Variants in PSMA1 observed in about 807,000 individuals in gnomAD.
PSMA1 encodes the protein proteasome subunit alpha type-1.
A neutral mutation model predicts 38.4 loss-of-function variants in PSMA1; 3 were observed. That is an observed-to-expected ratio of 0.08 (90% CI 0.04 to 0.20). The LOEUF is 0.20. PSMA1 is among the 10% of genes least tolerant of loss of function. PSMA1 has a pLI of 1.00. For missense variants in PSMA1, 227 were observed against 325.3 expected, an observed-to-expected ratio of 0.70 and a Z score of 2.32; for synonymous variants, 101 against 107.1, an observed-to-expected ratio of 0.94 and a Z score of 0.35.
At chr11:14,544,901 C>A (rs1851809175) in intron 2 of PSMA1, among the ~76,000 whole-genome samples, 1 of 152,150 alleles carries the variant, frequency 6.6e-6, no homozygotes, top group African/African-American at 2.4e-5. Flanking sequence ...CAGCATTATT[C>A]ATAATAGCTA....
At chr11:14,617,239 A>G (rs960309760) in intron 1 of PSMA1, among the ~76,000 whole-genome samples, 2 of 152,170 alleles carry the variant, frequency 1.3e-5, no homozygotes, top group Non-Finnish European at 2.9e-5. Flanking sequence ...ACACTAGTGG[A>G]ATCTTCTCCA....
rs146765355 is a variant in PSMA1 at position 14,631,275 on chromosome 11, T to A, written c.-166+12180A>T. ...GTGATGTTAGTGTGTCAATTTTCGA[T>A]ATTTCCTGCTTTCTCTTGTGGGCAT... On this transcript the variant is annotated intron_variant, in intron 1 of 10. Coordinates refer to the PSMA1 transcript ENST00000418988. 1.7e-3 allele frequency among the ~76,000 whole-genome samples: 262 copies of A among 152,372 alleles called. 7 individuals are homozygous for A. In the East Asian group the frequency reaches 0.04, roughly 23 times the overall value.
At chr11:14,557,620 T>C (rs1851955819) in intron 2 of PSMA1, among the ~76,000 whole-genome samples, 1 of 152,182 alleles carries the variant, frequency 6.6e-6, no homozygotes, top group Non-Finnish European at 1.5e-5. Flanking sequence ...AGTTCTCTGT[T>C]TTCCCCTCAC....
intron 2 of PSMA1, among the ~76,000 whole-genome samples, chr11:14,547,341 A>T (rs1851837218): frequency 6.6e-6 from 1 of 152,176 alleles, no homozygotes; most frequent in African/African-American, 2.4e-5. Context: ...GTATTTTGTG[A>T]ATTTAAAAAT....
intron 2 of PSMA1, among the ~76,000 whole-genome samples, chr11:14,599,141 C>T (rs978920339): frequency 6.6e-6 from 1 of 152,170 alleles, no homozygotes; most frequent in African/African-American, 2.4e-5. Context: ...TTGTGGGTAA[C>T]CCAACCTTTC....
intron 2 of PSMA1, among the ~76,000 whole-genome samples, chr11:14,596,459 C>T (rs983568359): frequency 2.0e-5 from 3 of 152,146 alleles, no homozygotes; most frequent in Non-Finnish European, 4.4e-5. Context: ...AGGTCCTTCA[C>T]GTCCCTTGTA....
chr11:14,556,419 C>T (rs915833777), intron 2 of PSMA1, among the ~76,000 whole-genome samples: 1 of 151,812 alleles, frequency 6.6e-6, no homozygotes, highest in African/African-American at 2.4e-5. Flanking sequence ...AGGGTTTTTT[C>T]CCCTCCTCTC....
At chr11:14,548,187 T>C (rs1317749273) in intron 2 of PSMA1, among the ~76,000 whole-genome samples, 1 of 152,208 alleles carries the variant, frequency 6.6e-6, no homozygotes, top group East Asian at 1.9e-4. Flanking sequence ...TTTTTTTCTA[T>C]TTATTTATTT....
At chr11:14,565,723 A>G (rs1852062344) in intron 2 of PSMA1, among the ~76,000 whole-genome samples, 1 of 152,222 alleles carries the variant, frequency 6.6e-6, no homozygotes, top group Non-Finnish European at 1.5e-5. Context: ...TAGCAGGGAG[A>G]GATAAGCAAT....
chr11:14,622,906 G>A (rs192240426), intron 1 of PSMA1, among the ~76,000 whole-genome samples: 1 of 152,328 alleles, frequency 6.6e-6, no homozygotes, highest in Admixed American at 6.5e-5. Flanking sequence ...CTGGGGCAAG[G>A]CTATGCCATT....
intron 2 of PSMA1, among the ~76,000 whole-genome samples, chr11:14,580,024 C>A (rs1010422466): frequency 1.3e-5 from 2 of 152,160 alleles, no homozygotes; most frequent in African/African-American, 4.8e-5. Flanking sequence ...ATCTGAAGAA[C>A]CTCAAATCCA....
chr11:14,639,068 T>C (rs1031370964), intron 1 of PSMA1, among the ~76,000 whole-genome samples: 2 of 152,194 alleles, frequency 1.3e-5, no homozygotes, highest in Non-Finnish European at 2.9e-5. Flanking sequence ...GATACAATTG[T>C]TGCTCTGAAA....
chr11:14,631,372 T>C (rs1237272322), intron 1 of PSMA1, among the ~76,000 whole-genome samples: 3 of 152,164 alleles, frequency 2.0e-5, no homozygotes, highest in Non-Finnish European at 2.9e-5. Flanking sequence ...TGTGTCTTTG[T>C]TCTCGTTGGT....
At chr11:14,622,605 A>T (rs1244763690) in intron 1 of PSMA1, among the ~76,000 whole-genome samples, 1 of 152,218 alleles carries the variant, frequency 6.6e-6, no homozygotes, top group African/African-American at 2.4e-5. Context: ...TTCAAAGTAA[A>T]AGAAAATTGC....
At chr11:14,639,613 T>C (rs1167445159) in intron 1 of PSMA1, among the ~76,000 whole-genome samples, 1 of 152,204 alleles carries the variant, frequency 6.6e-6, no homozygotes, top group Admixed American at 6.5e-5. Flanking sequence ...TAAACCTTTA[T>C]GTAACAAATA....
At chr11:14,516,345 C>T (rs1403382674) in intron 4 of PSMA1, among the ~76,000 whole-genome samples, 5 of 152,204 alleles carry the variant, frequency 3.3e-5, no homozygotes, top group Non-Finnish European at 7.3e-5. Context: ...GCTAGGACAA[C>T]AGGTGTGTGC....
chr11:14,552,221 C>T (rs1365280575), intron 2 of PSMA1, among the ~76,000 whole-genome samples: 5 of 152,152 alleles, frequency 3.3e-5, no homozygotes, highest in Non-Finnish European at 7.3e-5. Context: ...GGATCCTCAG[C>T]ACGAAAAGTT....
In PSMA1 at chr11:14,519,001, G is replaced by T; in HGVS notation, c.44C>A (p.Pro15His). The change falls in exon 2 of 10, where the codon CCC (proline) becomes CAC (histidine). Residue 15 changes from proline to histidine, a missense_variant. Pro to His is a moderately conservative substitution (Grantham distance 77). Coordinates refer to ENST00000396394, the MANE Select transcript of PSMA1 (RefSeq NM_002786.4). ...GGTTTAAAAACATTATTTTACCTGG[G>T]GGCTCCAAACAGTGACATCATTGTC... ...QYDNDVTVWS[P>H]QGRIHQIEYA... 1 of 1,582,838 alleles carries T rather than the reference G, an allele frequency of 6.3e-7. No individual in the cohort carries two copies. Among genetic ancestry groups the T allele is most frequent in the Non-Finnish European group, 8.6e-7 (1 of 1,165,136 alleles).
At chr11:14,521,785 A>AT (rs1554967421), upstream of PSMA1, among the ~76,000 whole-genome samples, 4 of 151,466 alleles carry the variant, frequency 2.6e-5, no homozygotes, top group Non-Finnish European at 5.9e-5. Flanking sequence ...AAAACAAAAA[A>AT]CAAAGTACTA....
Sources: gnomAD v4.1 joint callset for allele counts (sites outside exome capture counted in the v4.1 genomes callset) on GRCh38, gnomAD v4.1.1 for gene constraint, MANE v1.5 for transcripts, NCBI Gene and HGNC (gene_info 2026-07-23, HGNC 2026-07-21) for gene names.